The following STK3 variants were observed in gnomAD, a reference collection of about 807,000 sequenced individuals.
STK3 encodes serine/threonine kinase 3.
STK3 carries 41 observed loss-of-function variants against 58.0 expected under a neutral mutation model. The ratio of observed to expected loss-of-function variants is 0.71; its 90% CI spans 0.55 to 0.92. The LOEUF (loss-of-function observed/expected upper bound fraction) is 0.92. Ranked by LOEUF, STK3 falls within the 40% of genes least tolerant of loss-of-function variation. STK3 has a pLI of 0.00. For synonymous variants in STK3, 170 were observed against 191.0 expected (o/e 0.89, Z 0.91); for missense variants, 479 against 602.7 (o/e 0.79, Z 2.15).
intron 3 of STK3, among the ~76,000 whole-genome samples, chr8:98,403,116 C>T (rs546906395): frequency 6.6e-6 from 1 of 152,362 alleles, no homozygotes; most frequent in Non-Finnish European, 1.5e-5. Context: ...CACCACACAA[C>T]CACACTCGCA....
chr8:98,930,466 T>C (rs895555534), intron 1 of STK3, among the ~76,000 whole-genome samples: 2 of 152,256 alleles, frequency 1.3e-5, no homozygotes, highest in Non-Finnish European at 2.9e-5. Context: ...ACTTTTCTGC[T>C]GCAAGGTCTG....
intron 3 of STK3, chr8:98,427,671 GC>G: frequency 7.9e-6 from 2 of 253,020 alleles, no homozygotes; most frequent in Non-Finnish European, 1.5e-5. Context: ...TCAGCATGCA[GC>G]CCCCTGGGCG....
intron 6 of STK3, among the ~76,000 whole-genome samples, chr8:98,666,295 G>A (rs1462045335): frequency 6.6e-6 from 1 of 151,992 alleles, no homozygotes; most frequent in Non-Finnish European, 1.5e-5. Flanking sequence ...AAACTTAGGG[G>A]TAGACAGGTA....
Position 98,501,818 on chromosome 8 carries a change from TAGTTTGA to T in STK3, c.1317+24917_1317+24923del, listed in dbSNP as rs1823623741. On this transcript the variant is annotated intron_variant, in intron 10 of 10. Transcript: ENST00000419617. ...TTTCAGTTACTGTAGCCTTGTAGTA[TAGTTTGA>T]AGTCAGGTAGCGTGATGCCTCCAGC... Among the ~76,000 whole-genome samples the T allele has an allele frequency of 3.3e-5, 5 of 152,386 alleles. No homozygotes were observed. The South Asian group carries it at 1.0e-3, about 32-fold the overall frequency.
chr8:98,896,856 GTAATC>G (rs1343846281), intron 1 of STK3, among the ~76,000 whole-genome samples: 1 of 152,132 alleles, frequency 6.6e-6, no homozygotes, highest in Non-Finnish European at 1.5e-5. Context: ...GCTCATGCCT[GTAATC>G]CTAGCTACTC....
chr8:98,689,492 C>A (rs963473519), intron 6 of STK3, among the ~76,000 whole-genome samples: 3 of 152,158 alleles, frequency 2.0e-5, no homozygotes. Flanking sequence ...AAAATATTAG[C>A]ACACTGAGCT....
chr8:98,935,420 G>A (rs1564114715), intron 1 of STK3, among the ~76,000 whole-genome samples: 1 of 152,158 alleles, frequency 6.6e-6, no homozygotes, highest in Admixed American at 6.5e-5. Context: ...CAGCTCAATT[G>A]TATTTTAATA....
At chr8:98,917,630 GGC>G (rs1487784962) in intron 1 of STK3, among the ~76,000 whole-genome samples, 1 of 152,154 alleles carries the variant, frequency 6.6e-6, no homozygotes, top group Non-Finnish European at 1.5e-5. Context: ...CACCGGATCT[GGC>G]AGCTCCTTCA....
chr8:98,792,868 T>A (rs1832892693), intron 1 of STK3, among the ~76,000 whole-genome samples: 1 of 151,654 alleles, frequency 6.6e-6, no homozygotes, highest in South Asian at 2.1e-4. Flanking sequence ...TAAATGCCCA[T>A]CAATCAACAA....
intron 1 of STK3, among the ~76,000 whole-genome samples, chr8:98,440,368 G>A (rs1440118105): frequency 1.3e-5 from 2 of 152,148 alleles, no homozygotes; most frequent in African/African-American, 4.8e-5. Flanking sequence ...TAAAATAGCA[G>A]AAAATTTACT....
At chr8:98,465,590 T>C (rs1820402944) in intron 10 of STK3, among the ~76,000 whole-genome samples, 1 of 152,192 alleles carries the variant, frequency 6.6e-6, no homozygotes, top group Admixed American at 6.5e-5. Context: ...CATTTCTACA[T>C]AGCCCTTTGG....
At chr8:98,764,612 A>G (rs1233815789) in intron 3 of STK3, among the ~76,000 whole-genome samples, 1 of 152,234 alleles carries the variant, frequency 6.6e-6, no homozygotes, top group Non-Finnish European at 1.5e-5. Context: ...GGAATGTTTA[A>G]AACTGGTTTT....
At chr8:98,369,498 C>T (rs1449619196), downstream of STK3, among the ~76,000 whole-genome samples, 1 of 151,952 alleles carries the variant, frequency 6.6e-6, no homozygotes, top group African/African-American at 2.4e-5. Context: ...GGTGGTTTAG[C>T]AGCTGGAGGA....
At chr8:98,377,186 C>T (rs1446291680) in intron 2 of STK3, among the ~76,000 whole-genome samples, 1 of 152,176 alleles carries the variant, frequency 6.6e-6, no homozygotes, top group Non-Finnish European at 1.5e-5. Context: ...CCTTCCCTCC[C>T]AGCACCTCTC....
chr8:98,717,602 T>C (rs778984377), intron 4 of STK3, among the ~76,000 whole-genome samples: 83 of 152,212 alleles, frequency 5.5e-4, no homozygotes, highest in African/African-American at 1.5e-3. Context: ...CTGTGGAAAA[T>C]AGTATGAAGA....
Position 98,526,878 on chromosome 8 carries a change from A to C in STK3, c.1181T>G (p.Met394Arg). ...TSPQVQRPSF[M>R]DYFDKQDFKN... ...GAAGTCTTGCTTATCAAAGTAGTCC[A>C]TGAAAGATGGTCTTTGTACTTGTGG... Residue 394 changes from methionine to arginine, a missense_variant, in exon 10 of 11, where the codon ATG becomes AGG. Around this residue, in one of 3 missense-constraint regions of STK3, gnomAD observed 309 missense variants for 355.7 expected, o/e 0.87. Coordinates refer to ENST00000419617, the MANE Select transcript of STK3 (RefSeq NM_006281.4). 1 of 1,594,874 alleles carries C rather than the reference A, an allele frequency of 6.3e-7. No individual in the cohort carries two copies. The highest frequency in any genetic ancestry group is 2.2e-5 in the East Asian group (1 of 44,562).
chr8:98,935,913 TTTTA>T (rs1447295428), intron 1 of STK3, among the ~76,000 whole-genome samples: 7 of 151,182 alleles, frequency 4.6e-5, no homozygotes, highest in Non-Finnish European at 1.5e-5. Flanking sequence ...TTATTTTTGT[TTTTA>T]TTTATTTATT....
chr8:98,499,307 A>G (rs1385887228), intron 10 of STK3, among the ~76,000 whole-genome samples: 4 of 152,338 alleles, frequency 2.6e-5, no homozygotes, highest in Admixed American at 2.0e-4. Context: ...ACATAACTAT[A>G]AAAGAATAAA....
intron 6 of STK3, among the ~76,000 whole-genome samples, chr8:98,705,950 G>C (rs1194513647): frequency 6.6e-6 from 1 of 151,688 alleles, no homozygotes; most frequent in East Asian, 1.9e-4. Context: ...CATTTTCTCA[G>C]CATGCATTCA....
Sources: gnomAD v4.1 joint callset for allele counts (sites outside exome capture counted in the v4.1 genomes callset) on GRCh38, gnomAD v4.1.1 for gene constraint, gnomAD v4.1.1 regional missense constraint, MANE v1.5 for transcripts, NCBI Gene and HGNC (gene_info 2026-07-23, HGNC 2026-07-21) for gene names.